Variants in PDE4B observed in about 807,000 individuals in gnomAD.
PDE4B encodes the protein phosphodiesterase 4B, also known as 3',5'-cyclic-AMP phosphodiesterase 4B.
In PDE4B, 20 loss-of-function variants were observed where a neutral mutation model predicts 82.2. That is an observed-to-expected ratio of 0.24 (90% CI 0.17 to 0.35). The LOEUF is 0.35. Ranked by LOEUF, PDE4B falls within the 10% of genes least tolerant of loss-of-function variation. PDE4B has a pLI of 1.00. For missense variants in PDE4B, 655 were observed against 907.2 expected (o/e 0.72, Z 3.57); for synonymous variants, 320 against 318.9 (o/e 1.00, Z -0.04).
chr1:66,313,120 A>G (rs1658784493), intron 7 of PDE4B, among the ~76,000 whole-genome samples: 1 of 152,178 alleles, frequency 6.6e-6, no homozygotes. Context: ...AGCACCATAG[A>G]GTGTTAAGTC....
intron 3 of PDE4B, among the ~76,000 whole-genome samples, chr1:66,002,138 G>T (rs970234088): frequency 6.6e-6 from 1 of 152,060 alleles, no homozygotes; most frequent in East Asian, 1.9e-4. Context: ...ATGTGTGAGG[G>T]CATTTTGTAT....
At chr1:65,797,822 G>A (rs535525326) in intron 1 of PDE4B, among the ~76,000 whole-genome samples, 35 of 152,070 alleles carry the variant, frequency 2.3e-4, no homozygotes, top group African/African-American at 7.0e-4. Flanking sequence ...GTTAGGAGTC[G>A]GGAGACTCTG....
intron 3 of PDE4B, among the ~76,000 whole-genome samples, chr1:66,098,008 A>G (rs1205358980): frequency 6.6e-6 from 1 of 152,004 alleles, no homozygotes; most frequent in Admixed American, 6.6e-5. Flanking sequence ...TAGGGTTACT[A>G]CTATGGTGAT....
chr1:66,025,194 C>T (rs1376125720), intron 3 of PDE4B, among the ~76,000 whole-genome samples: 1 of 152,016 alleles, frequency 6.6e-6, no homozygotes, highest in Non-Finnish European at 1.5e-5. Flanking sequence ...CATATTAGAA[C>T]TCACCAAGTT....
intron 3 of PDE4B, among the ~76,000 whole-genome samples, chr1:66,145,968 C>T (rs1570338961): frequency 1.3e-5 from 2 of 152,270 alleles, no homozygotes; most frequent in Admixed American, 1.3e-4. Flanking sequence ...TGCTATATGA[C>T]TGCAATATTT....
intron 4 of PDE4B, among the ~76,000 whole-genome samples, chr1:66,252,480 C>A (rs1376194598): frequency 6.6e-6 from 1 of 152,152 alleles, no homozygotes; most frequent in African/African-American, 2.4e-5. Context: ...GCTCAGAACA[C>A]TTACATTAGT....
chr1:65,884,008 C>A (rs1298716793), intron 1 of PDE4B, among the ~76,000 whole-genome samples: 1 of 151,672 alleles, frequency 6.6e-6, no homozygotes, highest in Non-Finnish European at 1.5e-5. Context: ...GGATGAAGCC[C>A]ACTTGATCAT....
At chr1:66,109,974 T>G (rs1645448046) in intron 3 of PDE4B, among the ~76,000 whole-genome samples, 1 of 151,936 alleles carries the variant, frequency 6.6e-6, no homozygotes, top group Admixed American at 6.6e-5. Flanking sequence ...AAAATAGAGA[T>G]TTTTCTGACT....
chr1:66,004,972 A>G (rs916999128), intron 3 of PDE4B, among the ~76,000 whole-genome samples: 2 of 152,130 alleles, frequency 1.3e-5, no homozygotes, highest in Admixed American at 6.6e-5. Context: ...ATATGATTAT[A>G]TAACATTTAC....
intron 3 of PDE4B, among the ~76,000 whole-genome samples, chr1:66,016,493 G>C (rs1652782337): frequency 6.6e-6 from 1 of 152,112 alleles, no homozygotes; most frequent in African/African-American, 2.4e-5. Context: ...CCTCTTCAAT[G>C]TAACCTTCTT....
At chr1:66,047,135 A>G (rs1654760375) in intron 3 of PDE4B, among the ~76,000 whole-genome samples, 1 of 151,820 alleles carries the variant, frequency 6.6e-6, no homozygotes, top group Non-Finnish European at 1.5e-5. Context: ...CTGGTGAAAC[A>G]TGCCATCTTT....
chr1:65,958,554 G>C (rs1293549727), intron 3 of PDE4B, among the ~76,000 whole-genome samples: 1 of 152,026 alleles, frequency 6.6e-6, no homozygotes, highest in African/African-American at 2.4e-5. Context: ...AATGTGGTAG[G>C]ATTCACCTAT....
In PDE4B at chr1:65,913,265, A is replaced by G; in HGVS notation, c.-50A>G. Reference sequence around the variant, plus strand: ...TGTAGGTATTAAAAAGTGTCAGCAAACTGCATTGAATAACAGACATCCTAA... The same window carrying G: ...TGTAGGTATTAAAAAGTGTCAGCAAGCTGCATTGAATAACAGACATCCTAA... On this transcript the variant is annotated 5_prime_UTR_variant, in exon 2 of 17. Transcript: ENST00000341517. 1 of 1,550,660 alleles carries G rather than the reference A, an allele frequency of 6.4e-7. No individual in the cohort carries two copies. The highest frequency in any genetic ancestry group is 8.9e-7 in the Non-Finnish European group (1 of 1,122,842).
At chr1:66,225,117 T>TTC (rs577884457) in intron 3 of PDE4B, among the ~76,000 whole-genome samples, 1 of 151,932 alleles carries the variant, frequency 6.6e-6, no homozygotes. Flanking sequence ...GATCATCAAT[T>TTC]TCTCTCTCTC....
chr1:66,028,189 C>A (rs1653559244), intron 3 of PDE4B, among the ~76,000 whole-genome samples: 1 of 152,166 alleles, frequency 6.6e-6, no homozygotes, highest in Non-Finnish European at 1.5e-5. Flanking sequence ...AACCTCAGTT[C>A]TTGAATTCTG....
intron 3 of PDE4B, among the ~76,000 whole-genome samples, chr1:65,998,663 A>G (rs1192744275): frequency 6.6e-6 from 1 of 152,110 alleles, no homozygotes; most frequent in African/African-American, 2.4e-5. Flanking sequence ...CTGGGAGGAA[A>G]GCATGTGAAC....
intron 3 of PDE4B, among the ~76,000 whole-genome samples, chr1:66,246,460 A>T (rs977263148): frequency 2.6e-5 from 4 of 152,198 alleles, no homozygotes; most frequent in African/African-American, 4.8e-5. Flanking sequence ...TTTGTTCACC[A>T]TCTCTCTGCA....
chr1:66,173,441 G>A (rs992956088), intron 3 of PDE4B, among the ~76,000 whole-genome samples: 12 of 152,104 alleles, frequency 7.9e-5, no homozygotes, highest in African/African-American at 2.9e-4. Context: ...CATTGAAATC[G>A]AATTGTATTC....
intron 3 of PDE4B, among the ~76,000 whole-genome samples, chr1:66,168,710 T>G (rs1213981227): frequency 2.0e-5 from 3 of 152,170 alleles, no homozygotes; most frequent in African/African-American, 7.2e-5. Context: ...GTGACCTGAG[T>G]TACATTTCTA....
Sources: gnomAD v4.1 joint callset for allele counts (sites outside exome capture counted in the v4.1 genomes callset) on GRCh38, gnomAD v4.1.1 for gene constraint, MANE v1.5 for transcripts, NCBI Gene and HGNC (gene_info 2026-07-23, HGNC 2026-07-21) for gene names.